The following UTRN variants were observed in gnomAD, a reference collection of about 807,000 sequenced individuals.
The protein encoded by UTRN is dystrophin-related protein 1.
A neutral mutation model predicts 463.9 loss-of-function variants in UTRN; 283 were observed. That is an observed-to-expected ratio of 0.61 (90% confidence interval 0.55 to 0.67). The LOEUF is 0.67. Ranked by LOEUF, UTRN falls within the 30% of genes least tolerant of loss-of-function variation. UTRN has a pLI of 0.00. For synonymous variants in UTRN, 1,442 were observed against 1,431.5 expected (o/e 1.01, Z -0.17); for missense variants, 3,922 against 4,084.3 (o/e 0.96, Z 1.08).
At chr6:144,689,887 G>A (rs1354361834) in intron 52 of UTRN, among the ~76,000 whole-genome samples, 2 of 151,836 alleles carry the variant, frequency 1.3e-5, no homozygotes, top group Non-Finnish European at 2.9e-5. Flanking sequence ...TTCCTGGTGT[G>A]GTGTTATTCT....
At chr6:144,548,543 A>G in intron 46 of UTRN, 97 bp from the exon 47 acceptor site, 1 of 1,201,956 alleles carries the variant, frequency 8.3e-7, no homozygotes, top group Non-Finnish European at 1.1e-6. Context: ...ACTTAAACTA[A>G]ATTTTATTTA....
At chr6:144,346,198 A>G (rs1054591177) in intron 2 of UTRN, among the ~76,000 whole-genome samples, 1 of 151,612 alleles carries the variant, frequency 6.6e-6, no homozygotes, top group Non-Finnish European at 1.5e-5. Context: ...AAAATAAAAT[A>G]AAAAAGCAGG....
At chr6:144,734,565 G>A (rs1319482133) in intron 54 of UTRN, among the ~76,000 whole-genome samples, 1 of 152,040 alleles carries the variant, frequency 6.6e-6, no homozygotes, top group African/African-American at 2.4e-5. Context: ...AAAATCCACT[G>A]GGCCGCTCTT....
At chr6:144,692,724 C>T (rs1203195354) in intron 52 of UTRN, among the ~76,000 whole-genome samples, 2 of 152,064 alleles carry the variant, frequency 1.3e-5, no homozygotes, top group Non-Finnish European at 2.9e-5. Context: ...ATGTCCTTTG[C>T]CCACTTTTTA....
At chr6:144,722,132 C>T (rs1414448002) in intron 53 of UTRN, among the ~76,000 whole-genome samples, 1 of 152,178 alleles carries the variant, frequency 6.6e-6, no homozygotes, top group African/African-American at 2.4e-5. Flanking sequence ...GGACTCTTTC[C>T]CTAACTTCCT....
In UTRN at chr6:144,368,259, G is replaced by T. The variant is rs375924702; in HGVS notation, c.80-34864G>T. On this transcript the variant is annotated intron_variant, in intron 2 of 74. Coordinates refer to ENST00000367545, the MANE Select transcript of UTRN (RefSeq NM_007124.3). ...TTGATTTCTTCAGTTTCTTTATCCT[G>T]CAGTGTGTAGAAGAAAGAAAACTGT... Among the ~76,000 whole-genome samples, 13 of 152,234 alleles carry T rather than the reference G, an allele frequency of 8.5e-5. No individual in the cohort carries two copies. The East Asian group carries it at 1.9e-3, about 23-fold the overall frequency.
intron 33 of UTRN, among the ~76,000 whole-genome samples, chr6:144,498,691 G>A (rs1481207457): frequency 6.7e-6 from 1 of 150,012 alleles, no homozygotes; most frequent in African/African-American, 2.5e-5. Flanking sequence ...GTCTTGCTCT[G>A]TTGCCCAGGC....
intron 2 of UTRN, among the ~76,000 whole-genome samples, chr6:144,350,997 G>A (rs866487125): frequency 1.3e-5 from 2 of 151,848 alleles, no homozygotes; most frequent in African/African-American, 2.4e-5. Flanking sequence ...TTACATTTTC[G>A]TATACTGATA....
chr6:144,661,068 A>G (rs1479999034), intron 51 of UTRN, among the ~76,000 whole-genome samples: 1 of 152,208 alleles, frequency 6.6e-6, no homozygotes, highest in Non-Finnish European at 1.5e-5. Flanking sequence ...GAAAGGCAGA[A>G]AGGGGTGAAG....
intron 2 of UTRN, among the ~76,000 whole-genome samples, chr6:144,329,070 C>T (rs567749665): frequency 4.7e-5 from 7 of 149,154 alleles, no homozygotes; most frequent in African/African-American, 1.8e-4. Context: ...CAGGTGTGAG[C>T]CACCGCACCT....
chr6:144,309,146 G>A (rs150418722), intron 2 of UTRN, among the ~76,000 whole-genome samples: 2,642 of 152,110 alleles, frequency 0.017, 81 homozygotes, highest in South Asian at 0.13. Context: ...CACCCCACAC[G>A]CTCCTGGTTT....
intron 25 of UTRN, among the ~76,000 whole-genome samples, chr6:144,479,114 G>GTTTTTT (rs36044387): frequency 6.1e-5 from 7 of 114,782 alleles, no homozygotes; most frequent in East Asian, 2.6e-4. Context: ...GCTTCTAGGG[G>GTTTTTT]TTTTTTTTTT....
chr6:144,663,747 A>G (rs1184004972), intron 51 of UTRN, among the ~76,000 whole-genome samples: 5 of 152,308 alleles, frequency 3.3e-5, no homozygotes, highest in African/African-American at 1.2e-4. Context: ...ATAACAACAC[A>G]GAGAGAAACC....
intron 57 of UTRN, among the ~76,000 whole-genome samples, chr6:144,755,259 G>A (rs754307242): frequency 4.6e-5 from 7 of 152,014 alleles, no homozygotes; most frequent in Non-Finnish European, 7.4e-5. Context: ...TATTAGGCTC[G>A]CTGCGATTAT....
chr6:144,792,554 A>G (rs943487369), intron 62 of UTRN, among the ~76,000 whole-genome samples: 2 of 152,208 alleles, frequency 1.3e-5, no homozygotes, highest in African/African-American at 4.8e-5. Context: ...TCTCAAAAAA[A>G]AAAAGAGAGA....
At chr6:144,319,946 T>G (rs146403621) in intron 2 of UTRN, among the ~76,000 whole-genome samples, 189 of 151,986 alleles carry the variant, frequency 1.2e-3, no homozygotes, top group Non-Finnish European at 2.3e-3. Context: ...GTCCGCCTCC[T>G]AGGTTCAAGC....
chr6:144,601,372 C>G (rs1197918597), intron 51 of UTRN, among the ~76,000 whole-genome samples: 1 of 152,106 alleles, frequency 6.6e-6, no homozygotes, highest in African/African-American at 2.4e-5. Flanking sequence ...GGCAGGAGGT[C>G]AAAATAGTGA....
intron 50 of UTRN, among the ~76,000 whole-genome samples, chr6:144,567,448 A>G (rs1227392595): frequency 2.0e-5 from 3 of 151,638 alleles, no homozygotes; most frequent in East Asian, 1.9e-4. Context: ...GGTCTTGACT[A>G]TTTATTTCCT....
intron 2 of UTRN, chr6:144,397,836 T>G (rs1157110296): frequency 6.6e-6 from 1 of 152,592 alleles, no homozygotes; most frequent in East Asian, 1.9e-4. Flanking sequence ...GACCTGGTTC[T>G]CTCTGTGGCC....
Sources: gnomAD v4.1 joint callset for allele counts (sites outside exome capture counted in the v4.1 genomes callset) on GRCh38, gnomAD v4.1.1 for gene constraint, MANE v1.5 for transcripts, NCBI Gene and HGNC (gene_info 2026-07-23, HGNC 2026-07-21) for gene names.